Variants in PLCE1 observed in about 807,000 individuals in gnomAD.
PLCE1 encodes the protein phospholipase C epsilon 1.
Under a neutral mutation model 242.8 loss-of-function variants are expected in PLCE1, and 119 were observed. That is an observed-to-expected ratio of 0.49 (90% CI 0.42 to 0.57). PLCE1 has a LOEUF of 0.57. Ranked by LOEUF, PLCE1 falls within the 20% of genes least tolerant of loss-of-function variation. The probability of loss-of-function intolerance (pLI) is 0.00; values close to 1 mark genes in which losing one functional copy is unlikely to be tolerated. For missense variants in PLCE1, 2,441 were observed against 2,788.8 expected (o/e 0.88, Z 2.81); for synonymous variants, 945 against 1,017.4 (o/e 0.93, Z 1.35).
chr10:94,254,534 T>C (rs1490394616), intron 10 of PLCE1, among the ~76,000 whole-genome samples: 1 of 152,220 alleles, frequency 6.6e-6, no homozygotes, highest in South Asian at 2.1e-4. Flanking sequence ...TAGATATACA[T>C]GGTATAATTT....
chr10:94,283,887 T>C lies in PLCE1; in HGVS notation c.4893T>C (p.Asp1631=). The C allele has an allele frequency of 1.9e-6, 3 of 1,611,708 alleles. No homozygotes were observed. The highest frequency in any genetic ancestry group is 2.5e-6 in the Non-Finnish European group (3 of 1,178,264). ...TCCCAAAGAGGATAAAGAAAGCAGA[T>C]AACTCTGCTTGCAACAAAGGAAAGG... The part of the protein sequence containing the change: ...EEIPKRIKKA[D]NSACNKGKVY... Residue 1631 remains aspartate (D), a synonymous_variant, in exon 21 of 33, where the codon GAT becomes GAC. Transcript: ENST00000371380.
intron 7 of PLCE1, among the ~76,000 whole-genome samples, chr10:94,236,855 CCTCT>C (rs141019317): frequency 4.0e-5 from 6 of 150,476 alleles, no homozygotes; most frequent in Non-Finnish European, 8.9e-5. Flanking sequence ...TCTTAATCTC[CCTCT>C]CTCTCTCTCT....
chr10:94,006,869 A>G (rs2061049646), intron 1 of PLCE1, among the ~76,000 whole-genome samples: 1 of 152,246 alleles, frequency 6.6e-6, no homozygotes, highest in African/African-American at 2.4e-5. Context: ...TGGGACATCT[A>G]GTTAGTGGGT....
chr10:94,170,180 C>T (rs1021122873), intron 3 of PLCE1, among the ~76,000 whole-genome samples: 1 of 152,156 alleles, frequency 6.6e-6, no homozygotes, highest in African/African-American at 2.4e-5. Flanking sequence ...GGCTGGATGA[C>T]AGGTATTTCC....
chr10:94,308,614 A>G lies in PLCE1; in HGVS notation c.5918A>G (p.Asn1973Ser). ...CATCTTCAGCTGCGAAACCTTCACA[A>G]TGAAGTCTTGGAGATTTCTAGTTTA... Reference protein sequence around the residue: ...YRHLQLRNLHNEVLEISSLFI... With the variant: ...YRHLQLRNLHSEVLEISSLFI... Residue 1973 changes from asparagine to serine, a missense_variant, in exon 27 of 33, where the codon AAT becomes AGT. Coordinates refer to ENST00000371380, the MANE Select transcript of PLCE1 (RefSeq NM_016341.4). The G allele has an allele frequency of 3.1e-6, 5 of 1,613,376 alleles. No individual in the cohort carries two copies. Among genetic ancestry groups the G allele is most frequent in the South Asian group, 1.1e-5 (1 of 91,062 alleles).
chr10:94,155,261 A>G (rs1335580579), intron 3 of PLCE1, among the ~76,000 whole-genome samples: 1 of 152,250 alleles, frequency 6.6e-6, no homozygotes, highest in East Asian at 1.9e-4. Flanking sequence ...AATAAACAAA[A>G]TGTGGTATAT....
At position 94,329,506 on chromosome 10, in the gene PLCE1, GGGCAGAGTGGCTCACGC is replaced by G. The variant is rs1564904968; in HGVS notation, c.*1564_*1580del. 1.3e-5 allele frequency: 2 copies of G among 152,118 alleles called. No individual in the cohort carries two copies. Among genetic ancestry groups the G allele is most frequent in the Non-Finnish European group, 2.9e-5 (2 of 68,038 alleles). 9.4% of individuals were successfully genotyped at this position (152,118 alleles called of 1,614,324 possible). On this transcript the variant is annotated 3_prime_UTR_variant, in exon 33 of 33. Coordinates refer to ENST00000371380, the MANE Select transcript of PLCE1 (RefSeq NM_016341.4). ...GTGTTAAAAATACACCACACAGGCT[GGGCAGAGTGGCTCACGC>G]CTGTAACTCCAGCACTTTGGGAGGC...
chr10:94,021,045 G>A (rs185771189), intron 1 of PLCE1, among the ~76,000 whole-genome samples: 11 of 152,136 alleles, frequency 7.2e-5, no homozygotes, highest in Non-Finnish European at 1.5e-4. Flanking sequence ...TGGCCAGGCT[G>A]GTCTTGAACT....
At chr10:94,043,573 C>T (rs1167442814) in intron 2 of PLCE1, among the ~76,000 whole-genome samples, 1 of 152,084 alleles carries the variant, frequency 6.6e-6, no homozygotes, top group Non-Finnish European at 1.5e-5. Context: ...GTTGGAAAGC[C>T]CCATAGCTTC....
chr10:94,179,516 T>TTTGTTTTTTTTTTG (rs2048233534), intron 4 of PLCE1, among the ~76,000 whole-genome samples: 1 of 17,808 alleles, frequency 5.6e-5, no homozygotes, highest in African/African-American at 1.7e-4. Flanking sequence ...AGTTTAGTTT[T>TTTGTTTTTTTTTTG]TTTTTTTTTT....
chr10:94,047,137 T>G (rs2043615384), intron 2 of PLCE1, among the ~76,000 whole-genome samples: 1 of 152,210 alleles, frequency 6.6e-6, no homozygotes, highest in Non-Finnish European at 1.5e-5. Flanking sequence ...TCTTTGATTC[T>G]TGTCTTGATT....
Position 94,126,245 on chromosome 10 carries a change from C to A in PLCE1, c.1207-5929C>A, listed in dbSNP as rs79382038. ...CCTACCATAATGGGAGGAGTGTAATCCCATGGAAGGATCCATTCACAGTTT... is the reference window on the plus strand; with the variant it reads ...CCTACCATAATGGGAGGAGTGTAATACCATGGAAGGATCCATTCACAGTTT... On this transcript the variant is annotated intron_variant, in intron 2 of 32. Coordinates refer to ENST00000371380, the MANE Select transcript of PLCE1 (RefSeq NM_016341.4). Among the ~76,000 whole-genome samples the A allele has an allele frequency of 6.6e-4, 100 of 152,292 alleles. 2 individuals are homozygous for A. In the East Asian group the frequency reaches 0.018, roughly 27 times the overall value.
intron 2 of PLCE1, among the ~76,000 whole-genome samples, chr10:94,049,199 T>C (rs922481212): frequency 2.6e-5 from 4 of 152,154 alleles, no homozygotes; most frequent in Admixed American, 2.0e-4. Flanking sequence ...CTTATTAAAG[T>C]TTTATGAACA....
chr10:94,295,607 C>T (rs534450263), intron 23 of PLCE1, among the ~76,000 whole-genome samples: 48 of 152,300 alleles, frequency 3.2e-4, no homozygotes, highest in Admixed American at 2.2e-3. Flanking sequence ...ATCATGAATG[C>T]TCTTAAGGGC....
rs181303423 is a variant in PLCE1 at position 94,244,795 on chromosome 10, C to T, written c.2421-1151C>T. On this transcript the variant is annotated intron_variant, in intron 7 of 32. Transcript: ENST00000371380. ...ACAGCTCACTGCAGACTCTACCTCC[C>T]AGGCTCCAGCAATCCTCCCACCTCA... is the stretch of plus-strand genomic sequence containing the variant. Among the ~76,000 whole-genome samples the T allele has an allele frequency of 7.4e-3, 1,119 of 152,186 alleles. 6 individuals are homozygous for T. Among genetic ancestry groups the T allele is most frequent in the Non-Finnish European group, 0.011 (746 of 68,000 alleles).
chr10:94,177,907 T>G (rs1054230790), intron 4 of PLCE1, among the ~76,000 whole-genome samples: 2 of 152,182 alleles, frequency 1.3e-5, no homozygotes, highest in African/African-American at 4.8e-5. Flanking sequence ...ACCTCTCCCC[T>G]CTTTCCTGAG....
rs2053226314 is a variant in PLCE1 at position 94,306,998 on chromosome 10, A to G, written c.5884+310A>G. On this transcript the variant is annotated intron_variant, in intron 26 of 32. Coordinates refer to ENST00000371380, the MANE Select transcript of PLCE1 (RefSeq NM_016341.4). The surrounding 1 kb of genome is among the most constrained non-coding windows in gnomAD (Gnocchi z 5.7). ...CTGGCAGTTTGAAAGCAGGGATTGA[A>G]ATAAGGAGAGGAAACATGTCAGAGG... 6.6e-6 allele frequency among the ~76,000 whole-genome samples: 1 copy of G among 152,142 alleles called. No homozygotes were observed. The highest frequency in any genetic ancestry group is 1.5e-5 in the Non-Finnish European group (1 of 68,032).
intron 2 of PLCE1, among the ~76,000 whole-genome samples, chr10:94,032,727 G>A (rs2061584183): frequency 6.6e-6 from 1 of 151,902 alleles, no homozygotes; most frequent in South Asian, 2.1e-4. Flanking sequence ...GAAACCTATG[G>A]ATTCAGAATG....
chr10:94,117,509 C>G (rs529313650), intron 2 of PLCE1, among the ~76,000 whole-genome samples: 1 of 152,196 alleles, frequency 6.6e-6, no homozygotes, highest in East Asian at 1.9e-4. Flanking sequence ...TTTGTGCCGT[C>G]TTTGACATTA....
Sources: gnomAD v4.1 joint callset for allele counts (sites outside exome capture counted in the v4.1 genomes callset) on GRCh38, gnomAD v4.1.1 for gene constraint, Gnocchi (gnomAD v3.1) non-coding constraint, MANE v1.5 for transcripts, NCBI Gene and HGNC (gene_info 2026-07-23, HGNC 2026-07-21) for gene names.